Variants in GOLIM4 observed in about 807,000 individuals in gnomAD.
GOLIM4 encodes the protein golgi integral membrane protein 4, also known as 130 kDa golgi-localized phosphoprotein.
Under a neutral mutation model 107.4 loss-of-function variants are expected in GOLIM4, and 71 were observed. The ratio of observed to expected loss-of-function variants is 0.66; its 90% CI spans 0.55 to 0.81. The LOEUF is 0.81. Ranked by LOEUF, GOLIM4 falls within the 30% of genes least tolerant of loss-of-function variation. The pLI is 0.00. For missense variants in GOLIM4, 830 were observed against 826.1 expected, an observed-to-expected ratio of 1.00 and a Z score of -0.06; for synonymous variants, 327 against 294.8, an observed-to-expected ratio of 1.11 and a Z score of -1.12.
intron 8 of GOLIM4, among the ~76,000 whole-genome samples, chr3:168,035,818 C>G (rs1301017455): frequency 6.6e-6 from 1 of 151,410 alleles, no homozygotes; most frequent in African/African-American, 2.4e-5. Context: ...GAAAGATAAC[C>G]ATATTGCCTA....
chr3:168,014,924 G>A (rs1717277492), intron 14 of GOLIM4, among the ~76,000 whole-genome samples: 1 of 150,068 alleles, frequency 6.7e-6, no homozygotes, highest in Non-Finnish European at 1.5e-5. Flanking sequence ...CAAACCCACA[G>A]CCAATATCAT....
intron 4 of GOLIM4, among the ~76,000 whole-genome samples, chr3:168,044,201 G>A (rs1463885671): frequency 6.6e-6 from 1 of 152,162 alleles, no homozygotes; most frequent in African/African-American, 2.4e-5. Context: ...ACTGATATCA[G>A]AGGGAAAGAC....
chr3:168,047,672 G>C (rs1281382412), intron 2 of GOLIM4, among the ~76,000 whole-genome samples: 1 of 152,150 alleles, frequency 6.6e-6, no homozygotes, highest in Non-Finnish European at 1.5e-5. Flanking sequence ...ATAAATATCA[G>C]AATGCAGATA....
intron 14 of GOLIM4, among the ~76,000 whole-genome samples, chr3:168,012,462 T>G (rs934042642): frequency 6.8e-5 from 10 of 146,788 alleles, no homozygotes; most frequent in African/African-American, 2.7e-4. Context: ...TGGAAAACAC[T>G]CTGCAGGATA....
chr3:168,050,575 C>T (rs912070938), intron 1 of GOLIM4, among the ~76,000 whole-genome samples: 2 of 152,014 alleles, frequency 1.3e-5, no homozygotes, highest in Non-Finnish European at 2.9e-5. Context: ...GTAAGCTCCC[C>T]AGCTGGAAGG....
intron 1 of GOLIM4, among the ~76,000 whole-genome samples, chr3:168,062,928 C>G (rs764244981): frequency 7.2e-5 from 11 of 152,088 alleles, no homozygotes; most frequent in Non-Finnish European, 1.2e-4. Context: ...GAGAGTCCAC[C>G]GTGCCTTCCA....
intron 1 of GOLIM4, among the ~76,000 whole-genome samples, chr3:168,068,508 A>G (rs1315518320): frequency 6.6e-6 from 1 of 152,188 alleles, no homozygotes; most frequent in Non-Finnish European, 1.5e-5. Context: ...AAATATGTTT[A>G]AAAACAATTT....
intron 14 of GOLIM4, among the ~76,000 whole-genome samples, chr3:168,020,629 T>A (rs1182983080): frequency 2.6e-5 from 4 of 152,234 alleles, no homozygotes; most frequent in African/African-American, 7.2e-5. Context: ...TTAGCTTGTT[T>A]ACCAGTTGTC....
At chr3:168,064,679 C>T (rs1156757259) in intron 1 of GOLIM4, among the ~76,000 whole-genome samples, 2 of 151,264 alleles carry the variant, frequency 1.3e-5, no homozygotes, top group Admixed American at 6.6e-5. Context: ...TGAAATGATC[C>T]TCCCACCTCG....
chr3:168,010,729 T>A lies in GOLIM4; in HGVS notation c.1941+14A>T. The A allele has an allele frequency of 6.4e-7, 1 of 1,566,230 alleles. No homozygotes were observed. The highest frequency in any genetic ancestry group is 8.8e-7 in the Non-Finnish European group (1 of 1,136,972). On this transcript the variant is annotated intron_variant, in intron 15 of 15. Transcript: ENST00000470487. ...CACTCAAGTGCTCAATAGAAATATG[T>A]ATCCCGGTCATACATTTTCATCATT...
chr3:168,013,155 C>A, intron 14 of GOLIM4, among the ~76,000 whole-genome samples: 1 of 151,432 alleles, frequency 6.6e-6, no homozygotes. Flanking sequence ...ATCTCACGTG[C>A]AGAGACACAC....
chr3:168,012,762 A>G (rs911260895), intron 14 of GOLIM4, among the ~76,000 whole-genome samples: 1 of 152,110 alleles, frequency 6.6e-6, no homozygotes, highest in Non-Finnish European at 1.5e-5. Flanking sequence ...AAAATTTTCA[A>G]CCCAGAATTT....
chr3:168,050,369 C>T (rs140187203), intron 1 of GOLIM4, among the ~76,000 whole-genome samples: 1 of 152,020 alleles, frequency 6.6e-6, no homozygotes, highest in Non-Finnish European at 1.5e-5. Flanking sequence ...TACTAATAGC[C>T]CCATCTTAAA....
intron 12 of GOLIM4, among the ~76,000 whole-genome samples, chr3:168,026,577 A>G (rs990498522): frequency 1.3e-5 from 2 of 152,196 alleles, no homozygotes; most frequent in Non-Finnish European, 2.9e-5. Context: ...TCAAGAAATC[A>G]AAGCCTACAG....
chr3:168,035,835 T>A (rs1718617091), intron 8 of GOLIM4, among the ~76,000 whole-genome samples: 1 of 151,990 alleles, frequency 6.6e-6, no homozygotes, highest in African/African-American at 2.4e-5. Context: ...CCTATTTTTT[T>A]ATTACAGATG....
At chr3:168,071,100 C>T (rs1720808969) in intron 1 of GOLIM4, among the ~76,000 whole-genome samples, 1 of 152,174 alleles carries the variant, frequency 6.6e-6, no homozygotes, top group South Asian at 2.1e-4. Context: ...ATCAGTGGCA[C>T]AGGCTCAAGC....
At chr3:168,036,768 C>T in intron 8 of GOLIM4, 68 bp downstream of exon 8, 2 of 1,269,788 alleles carry the variant, frequency 1.6e-6, no homozygotes, top group South Asian at 1.7e-5. Flanking sequence ...ATATTAAAAG[C>T]AGGTCCCCTC....
intron 7 of GOLIM4, among the ~76,000 whole-genome samples, chr3:168,037,451 T>TAC (rs10628217): frequency 0.45 from 67,129 of 149,490 alleles, 15,786 homozygotes; most frequent in Non-Finnish European, 0.56. Flanking sequence ...TAAATACACA[T>TAC]ACACACACAC....
rs1382740137 is a variant in GOLIM4 at position 168,041,409 on chromosome 3, G to T, written c.583C>A (p.Gln195Lys). 1 of 1,581,924 alleles carries T rather than the reference G, an allele frequency of 6.3e-7. No homozygotes were observed. Among genetic ancestry groups the T allele is most frequent in the Admixed American group, 1.7e-5 (1 of 59,940 alleles). The change falls in exon 6 of 16, where the codon CAG (glutamine) becomes AAG (lysine). Residue 195 changes from glutamine (Q) to lysine (K), a missense_variant. Transcript: ENST00000470487. ...LRKAHQDIHT[Q>K]LQDVKQQHKN... is the part of the protein sequence containing the mutation. ...TCTTTTACCTTGACATCTTGAAGCT[G>T]TGTATGTATGTCTTGGTGTGCTTTC...
Sources: gnomAD v4.1 joint callset for allele counts (sites outside exome capture counted in the v4.1 genomes callset) on GRCh38, gnomAD v4.1.1 for gene constraint, MANE v1.5 for transcripts, NCBI Gene and HGNC (gene_info 2026-07-23, HGNC 2026-07-21) for gene names.